The following EVI5 variants were observed in gnomAD, a reference collection of about 807,000 sequenced individuals.
EVI5 encodes the protein ecotropic viral integration site 5 protein homolog.
Under a neutral mutation model 112.0 loss-of-function variants are expected in EVI5, and 73 were observed. That is an observed-to-expected ratio of 0.65 (90% CI 0.54 to 0.79). The LOEUF is 0.79. Among genes scored for constraint, EVI5 ranks in the 30% least tolerant of loss-of-function variants. The pLI, the probability that EVI5 is intolerant of heterozygous loss-of-function variation, is 0.00. For missense variants in EVI5, 900 were observed against 968.8 expected, an observed-to-expected ratio of 0.93 and a Z score of 0.94; for synonymous variants, 305 against 319.9, an observed-to-expected ratio of 0.95 and a Z score of 0.50.
chr1:92,601,016 T>C (rs185396489), intron 18 of EVI5, among the ~76,000 whole-genome samples: 2 of 152,218 alleles, frequency 1.3e-5, no homozygotes, highest in African/African-American at 2.4e-5. Flanking sequence ...TAAGTGGTGG[T>C]AGCAAAGTTA....
intron 16 of EVI5, among the ~76,000 whole-genome samples, chr1:92,622,551 C>T (rs1654823205): frequency 6.6e-6 from 1 of 152,190 alleles, no homozygotes; most frequent in African/African-American, 2.4e-5. Flanking sequence ...ACTGGAGTTA[C>T]ATGTATAAAC....
intron 18 of EVI5, among the ~76,000 whole-genome samples, chr1:92,564,712 C>G (rs910094865): frequency 6.8e-6 from 1 of 147,448 alleles, no homozygotes; most frequent in Non-Finnish European, 1.5e-5. Flanking sequence ...GATGGACTCT[C>G]GCTGTCACCC....
At chr1:92,727,563 A>G (rs181528593) in intron 2 of EVI5, among the ~76,000 whole-genome samples, 3 of 152,360 alleles carry the variant, frequency 2.0e-5, no homozygotes, top group Admixed American at 6.5e-5. Context: ...GCAAAGATGT[A>G]TCCAACCTAC....
chr1:92,766,112 AATAATAAT>A (rs1324820681), intron 1 of EVI5, among the ~76,000 whole-genome samples: 2 of 145,784 alleles, frequency 1.4e-5, no homozygotes, highest in Admixed American at 6.9e-5. Flanking sequence ...TAATAATAAT[AATAATAAT>A]AATAATAATA....
intron 1 of EVI5, among the ~76,000 whole-genome samples, chr1:92,739,957 C>T (rs35241270): frequency 0.22 from 29,592 of 136,920 alleles, 3,449 homozygotes; most frequent in Non-Finnish European, 0.27. Context: ...CTTTAAATGT[C>T]AAAAGTCAAG....
At chr1:92,628,682 A>C (rs1656226415) in intron 14 of EVI5, among the ~76,000 whole-genome samples, 1 of 152,222 alleles carries the variant, frequency 6.6e-6, no homozygotes, top group South Asian at 2.1e-4. Context: ...ATGAGGCCGT[A>C]GGGAAAGCTC....
chr1:92,527,429 A>AAAAAAAAAG (rs1662093705), intron 19 of EVI5, among the ~76,000 whole-genome samples: 3 of 134,766 alleles, frequency 2.2e-5, no homozygotes, highest in Non-Finnish European at 3.1e-5. Context: ...AAAAAAAAAA[A>AAAAAAAAAG]AAAAGAAAAA....
chr1:92,785,424 G>A (rs1685526281), upstream of EVI5, among the ~76,000 whole-genome samples: 1 of 152,212 alleles, frequency 6.6e-6, no homozygotes, highest in Admixed American at 6.5e-5. Context: ...CCGCACCGAC[G>A]CGGAGCCTGA....
At chr1:92,776,347 C>T (rs1684129842) in intron 1 of EVI5, among the ~76,000 whole-genome samples, 1 of 151,840 alleles carries the variant, frequency 6.6e-6, no homozygotes, top group Non-Finnish European at 1.5e-5. Flanking sequence ...ACTCAAAGAG[C>T]AACATTTGGG....
intron 13 of EVI5, among the ~76,000 whole-genome samples, chr1:92,638,600 T>C (rs552680130): frequency 6.6e-6 from 1 of 152,254 alleles, no homozygotes; most frequent in South Asian, 2.1e-4. Flanking sequence ...GTTTTAATGT[T>C]TGACAGAAAT....
intron 5 of EVI5, among the ~76,000 whole-genome samples, chr1:92,701,893 T>A (rs917211789): frequency 2.3e-5 from 3 of 131,978 alleles, no homozygotes. Context: ...AGATTCAAGC[T>A]TTAGTAGAAT....
At chr1:92,716,486 A>T (rs981404129) in intron 2 of EVI5, among the ~76,000 whole-genome samples, 1 of 152,190 alleles carries the variant, frequency 6.6e-6, no homozygotes, top group African/African-American at 2.4e-5. Context: ...CAAAGACCAA[A>T]GGTAGATAAA....
chr1:92,792,399 AGCAGAG>A, exon 1 of EVI5: 1 of 1,608,290 alleles, frequency 6.2e-7, no homozygotes. Context: ...AACCATGATA[AGCAGAG>A]AAGACAGAGA....
chr1:92,635,057 G>A (rs1658446807), intron 14 of EVI5, among the ~76,000 whole-genome samples: 1 of 152,184 alleles, frequency 6.6e-6, no homozygotes, highest in Non-Finnish European at 1.5e-5. Context: ...TCTCAGAGGG[G>A]TACCCGGCCG....
At chr1:92,666,036 G>A in intron 10 of EVI5, 44 bp from the exon 11 acceptor site, 7 of 1,261,108 alleles carry the variant, frequency 5.6e-6, no homozygotes, top group East Asian at 2.4e-5. Flanking sequence ...TTTTTGAGAG[G>A]AAAAAAAAGA....
At chr1:92,586,957 A>G (rs1214830334) in intron 18 of EVI5, among the ~76,000 whole-genome samples, 2 of 152,022 alleles carry the variant, frequency 1.3e-5, no homozygotes, top group African/African-American at 4.8e-5. Context: ...AAGTGAGCAT[A>G]TATATTATGG....
At chr1:92,692,686 T>C (rs1229454738) in intron 9 of EVI5, among the ~76,000 whole-genome samples, 1 of 152,168 alleles carries the variant, frequency 6.6e-6, no homozygotes, top group Non-Finnish European at 1.5e-5. Context: ...TCATTGTGCA[T>C]GGAAAAGCTA....
intron 1 of EVI5, among the ~76,000 whole-genome samples, chr1:92,770,362 G>A (rs536221195): frequency 6.6e-6 from 1 of 152,208 alleles, no homozygotes; most frequent in African/African-American, 2.4e-5. Context: ...ATGGATACTT[G>A]GAGTGCTTCC....
At chr1:92,548,803 C>T (rs1189553892) in intron 19 of EVI5, among the ~76,000 whole-genome samples, 3 of 152,110 alleles carry the variant, frequency 2.0e-5, no homozygotes, top group Non-Finnish European at 2.9e-5. Flanking sequence ...TATGAAGGAC[C>T]TCTTCAAGGA....
Sources: allele counts gnomAD v4.1 joint callset (sites outside exome capture counted in the v4.1 genomes callset), GRCh38; gene constraint gnomAD v4.1.1; transcripts MANE v1.5; gene names NCBI Gene and HGNC (gene_info 2026-07-23, HGNC 2026-07-21).